The following PCMTD1 variants were observed in gnomAD, a reference collection of about 807,000 sequenced individuals.
PCMTD1 encodes protein-L-isoaspartate O-methyltransferase domain-containing protein 1.
A neutral mutation model predicts 37.6 loss-of-function variants in PCMTD1; 12 were observed. That is an observed-to-expected ratio of 0.32 (90% CI 0.20 to 0.52). The LOEUF (loss-of-function observed/expected upper bound fraction) is 0.52. Ranked by LOEUF, PCMTD1 falls within the 20% of genes least tolerant of loss-of-function variation. The pLI, the probability that PCMTD1 is intolerant of heterozygous loss-of-function variation, is 0.97. For synonymous variants in PCMTD1, 117 were observed against 135.8 expected (o/e 0.86, Z 0.96); for missense variants, 235 against 421.3 (o/e 0.56, Z 3.87).
chr8:51,872,553 G>A (rs1225064263), intron 1 of PCMTD1, among the ~76,000 whole-genome samples: 3 of 152,056 alleles, frequency 2.0e-5, no homozygotes. Context: ...ACTGCCAATA[G>A]TTCTTAGGAT....
chr8:51,898,898 C>A, intron 1 of PCMTD1, 32 bp downstream of exon 1: 1 of 1,312,082 alleles, frequency 7.6e-7, no homozygotes, highest in Non-Finnish European at 9.7e-7. Flanking sequence ...GCACACCCCA[C>A]GACCCCGAGC....
intron 2 of PCMTD1, among the ~76,000 whole-genome samples, chr8:51,847,368 T>C (rs531142975): frequency 1.5e-4 from 23 of 152,376 alleles, no homozygotes; most frequent in Non-Finnish European, 2.9e-4. Flanking sequence ...AGCTCATGCC[T>C]GTAATCCCAG....
At chr8:51,892,195 T>C (rs771155580) in intron 1 of PCMTD1, among the ~76,000 whole-genome samples, 1 of 152,206 alleles carries the variant, frequency 6.6e-6, no homozygotes, top group Non-Finnish European at 1.5e-5. Flanking sequence ...TCCTTCTAGA[T>C]GACACAAAGG....
chr8:51,834,917 G>A (rs754347790), intron 3 of PCMTD1, among the ~76,000 whole-genome samples: 1 of 152,024 alleles, frequency 6.6e-6, no homozygotes. Context: ...ATGCCCCCAC[G>A]CTAAGGCAGT....
chr8:51,896,853 A>C (rs978849722), intron 1 of PCMTD1, among the ~76,000 whole-genome samples: 2 of 150,492 alleles, frequency 1.3e-5, no homozygotes, highest in Non-Finnish European at 3.0e-5. Context: ...TCTTGGATTA[A>C]GCACTCCTGA....
At chr8:51,888,212 T>C (rs76900078) in intron 1 of PCMTD1, among the ~76,000 whole-genome samples, 3,779 of 152,264 alleles carry the variant, frequency 0.025, 160 homozygotes, top group African/African-American at 0.085. Context: ...TTCAGTTCAA[T>C]AGAGTAAGAC....
At chr8:51,850,159 T>C (rs1483234153) in intron 2 of PCMTD1, 1 of 696,110 alleles carries the variant, frequency 1.4e-6, no homozygotes, top group Non-Finnish European at 2.6e-6. Context: ...TCCTAACTGT[T>C]GTATAATCTA....
intron 1 of PCMTD1, among the ~76,000 whole-genome samples, chr8:51,862,804 G>A (rs1016396671): frequency 2.6e-5 from 4 of 152,164 alleles, no homozygotes; most frequent in African/African-American, 9.7e-5. Flanking sequence ...AGGACATACT[G>A]TGAATTCACA....
chr8:51,888,375 C>G (rs550295037), intron 1 of PCMTD1, among the ~76,000 whole-genome samples: 1 of 152,246 alleles, frequency 6.6e-6, no homozygotes, highest in Non-Finnish European at 1.5e-5. Context: ...AGGTAAATGA[C>G]TTTTGTGTAT....
intron 1 of PCMTD1, among the ~76,000 whole-genome samples, chr8:51,870,718 A>G (rs2038626757): frequency 6.6e-6 from 1 of 152,228 alleles, no homozygotes. Context: ...CCTCTGACAC[A>G]GAACAATTTG....
chr8:51,899,184 T>C (rs1287049398), upstream of PCMTD1: 2 of 1,263,558 alleles, frequency 1.6e-6, no homozygotes, highest in Admixed American at 3.8e-5. Context: ...GACGCCCCCA[T>C]CTGGCCCCGC....
intron 2 of PCMTD1, among the ~76,000 whole-genome samples, chr8:51,847,585 CCATTGCACTCCA>C (rs2038240798): frequency 6.6e-6 from 1 of 151,950 alleles, no homozygotes; most frequent in African/African-American, 2.4e-5. Flanking sequence ...CAAGATCTTG[CCATTGCACTCCA>C]GCATGGGTGA....
At chr8:51,841,694 A>G (rs2038149225) in intron 3 of PCMTD1, among the ~76,000 whole-genome samples, 1 of 152,158 alleles carries the variant, frequency 6.6e-6, no homozygotes, top group Non-Finnish European at 1.5e-5. Flanking sequence ...TTAACTGTAC[A>G]TGAGCAAATA....
intron 1 of PCMTD1, among the ~76,000 whole-genome samples, chr8:51,869,393 C>G (rs746647236): frequency 6.6e-6 from 1 of 152,038 alleles, no homozygotes; most frequent in African/African-American, 2.4e-5. Context: ...CGGCCAAATC[C>G]CCAAAATGTC....
chr8:51,863,292 G>A (rs1167523759), intron 1 of PCMTD1, among the ~76,000 whole-genome samples: 1 of 152,168 alleles, frequency 6.6e-6, no homozygotes, highest in Non-Finnish European at 1.5e-5. Context: ...TAAGAAGAAT[G>A]ATCTGACCCT....
intron 5 of PCMTD1, among the ~76,000 whole-genome samples, chr8:51,822,747 G>A (rs944913705): frequency 5.3e-5 from 8 of 152,266 alleles, no homozygotes; most frequent in Non-Finnish European, 1.0e-4. Flanking sequence ...CATGTCATCA[G>A]CCCATCGTGA....
chr8:51,818,117 T>G lies in PCMTD1; in HGVS notation c.*2234A>C, dbSNP rs1236042735. On this transcript the variant is annotated 3_prime_UTR_variant, in exon 6 of 6. Coordinates refer to ENST00000522514, the MANE Select transcript of PCMTD1 (RefSeq NM_052937.4). ...AAAAATAAACACAAACCCAAAATAT[T>G]CTTATTCTAATATATCTGCATTAAT... 6 of 355,966 alleles carry G rather than the reference T, an allele frequency of 1.7e-5. No individual in the cohort carries two copies. The highest frequency in any genetic ancestry group is 6.4e-5 in the African/African-American group (3 of 46,598). The allele number at this position is 355,966 out of a possible 1,614,324, so 22.1% of individuals were successfully genotyped here.
In PCMTD1 at chr8:51,838,192, A is replaced by G. The variant is rs547607579; in HGVS notation, c.411-4503T>C. On this transcript the variant is annotated intron_variant, in intron 3 of 5. Transcript: ENST00000522514. ...ATTTTTTCCAAAAGTCTATGATTAC[A>G]ATTTTTCAGGTAGGCCAGGTATGGT... Among the ~76,000 whole-genome samples the G allele has an allele frequency of 2.0e-5, 3 of 152,278 alleles. No individual in the cohort carries two copies. In the South Asian group the frequency reaches 6.2e-4, roughly 32 times the overall value.
intron 1 of PCMTD1, among the ~76,000 whole-genome samples, chr8:51,885,534 C>A (rs902867569): frequency 2.6e-5 from 4 of 152,326 alleles, no homozygotes; most frequent in Admixed American, 1.3e-4. Context: ...CATGTTCTTT[C>A]TGGTGCCCTT....
Sources: gnomAD v4.1 joint callset for allele counts (sites outside exome capture counted in the v4.1 genomes callset) on GRCh38, gnomAD v4.1.1 for gene constraint, MANE v1.5 for transcripts, NCBI Gene and HGNC (gene_info 2026-07-23, HGNC 2026-07-21) for gene names.